Variants in TANC1 observed in about 807,000 individuals in gnomAD.
TANC1 encodes tetratricopeptide repeat, ankyrin repeat and coiled-coil containing 1.
Under a neutral mutation model 149.7 loss-of-function variants are expected in TANC1, and 77 were observed. The ratio of observed to expected loss-of-function variants is 0.51; its 90% CI spans 0.43 to 0.62. The LOEUF (loss-of-function observed/expected upper bound fraction) is 0.62, where lower values mean the gene tolerates loss of function less well. Among genes scored for constraint, TANC1 ranks in the 20% least tolerant of loss-of-function variants. The probability of loss-of-function intolerance (pLI) is 0.00; values close to 1 mark genes in which losing one functional copy is unlikely to be tolerated. For synonymous variants in TANC1, 854 were observed against 925.0 expected (o/e 0.92, Z 1.39); for missense variants, 1,985 against 2,321.8 (o/e 0.85, Z 2.98).
intron 2 of TANC1, among the ~76,000 whole-genome samples, chr2:159,028,415 C>T (rs765063353): frequency 2.6e-5 from 4 of 152,166 alleles, no homozygotes; most frequent in Non-Finnish European, 4.4e-5. Context: ...GCCATCATGT[C>T]GGGCCTATTC....
intron 4 of TANC1, 147 bp from the exon 5 acceptor site, chr2:159,136,047 T>TGTGTGCGCGTGC (rs1457762905): frequency 9.6e-6 from 2 of 209,118 alleles, no homozygotes; most frequent in Non-Finnish European, 9.2e-6. Flanking sequence ...TGTGTGTGTG[T>TGTGTGCGCGTGC]GTGCGCGCGC....
chr2:158,983,468 CA>C (rs35472970), intron 1 of TANC1, among the ~76,000 whole-genome samples: 2,202 of 88,772 alleles, frequency 0.025, 26 homozygotes, highest in African/African-American at 0.079. Flanking sequence ...CTCCGTCTCC[CA>C]AAAAAAAAAA....
intron 3 of TANC1, among the ~76,000 whole-genome samples, chr2:159,093,577 T>C (rs1459643620): frequency 6.6e-6 from 1 of 152,242 alleles, no homozygotes. Flanking sequence ...TTGTGCTTCC[T>C]GTTCATACAT....
At chr2:159,170,974 T>A (rs929999928) in intron 10 of TANC1, among the ~76,000 whole-genome samples, 169 bp downstream of exon 10, 1 of 152,232 alleles carries the variant, frequency 6.6e-6, no homozygotes, top group East Asian at 1.9e-4. Flanking sequence ...TCCATCATGA[T>A]GTGTATTCAG....
intron 2 of TANC1, among the ~76,000 whole-genome samples, chr2:159,046,242 T>C (rs2041027734): frequency 6.6e-6 from 1 of 152,222 alleles, no homozygotes; most frequent in African/African-American, 2.4e-5. Flanking sequence ...TTAGACTGCG[T>C]CTCTCTTTTG....
intron 3 of TANC1, among the ~76,000 whole-genome samples, chr2:159,094,809 C>T (rs577989291): frequency 1.2e-4 from 18 of 152,136 alleles, no homozygotes; most frequent in African/African-American, 4.3e-4. Flanking sequence ...GGGGCCACTG[C>T]TGTCCACACA....
At chr2:159,038,888 C>A (rs1439493451) in intron 2 of TANC1, among the ~76,000 whole-genome samples, 2 of 152,160 alleles carry the variant, frequency 1.3e-5, no homozygotes, top group African/African-American at 4.8e-5. Context: ...AAGATTCCCT[C>A]TTTTTCTATT....
intron 11 of TANC1, among the ~76,000 whole-genome samples, chr2:159,173,429 A>T (rs1317820302): frequency 6.6e-6 from 1 of 152,030 alleles, no homozygotes; most frequent in African/African-American, 2.4e-5. Flanking sequence ...ACATATTGAA[A>T]CCTCGTCTCT....
chr2:159,094,788 G>T lies in TANC1; in HGVS notation c.62-2849G>T, dbSNP rs113109390. ...TTGTGTGTGTGTGGGGGGGGGGTGG[G>T]GGCCAGCCTGGGGGCCACTGCTGTC... is the stretch of plus-strand genomic sequence containing the variant. On this transcript the variant is annotated intron_variant, in intron 3 of 26. Coordinates refer to ENST00000263635, the MANE Select transcript of TANC1 (RefSeq NM_033394.3). Among the ~76,000 whole-genome samples the T allele has an allele frequency of 4.2e-5, 6 of 143,780 alleles. 1 individual carries two copies. The highest frequency in any genetic ancestry group is 3.5e-3 in the Middle Eastern group (1 of 286). The allele number at this position is 143,780 out of a possible 152,430, so 94.3% of individuals were successfully genotyped here. A position where few individuals can be genotyped will look rare whatever the true frequency, so the allele number is the denominator to read the frequency against.
intron 1 of TANC1, among the ~76,000 whole-genome samples, chr2:158,983,021 C>T (rs950948907): frequency 2.6e-5 from 4 of 152,160 alleles, no homozygotes; most frequent in Non-Finnish European, 5.9e-5. Flanking sequence ...GTACTTGTTA[C>T]AGAAGTCGAG....
chr2:159,117,648 G>T (rs1385497120), intron 4 of TANC1, among the ~76,000 whole-genome samples: 1 of 150,066 alleles, frequency 6.7e-6, no homozygotes, highest in Non-Finnish European at 1.5e-5. Context: ...CGCCTGCCTC[G>T]GCCTCCCAAA....
intron 3 of TANC1, among the ~76,000 whole-genome samples, chr2:159,070,077 T>C (rs1329357471): frequency 2.6e-5 from 4 of 152,116 alleles, no homozygotes; most frequent in Non-Finnish European, 5.9e-5. Flanking sequence ...CCACTGTGAC[T>C]GGCTATGCAG....
chr2:159,170,103 G>A (rs1474542221), intron 9 of TANC1, among the ~76,000 whole-genome samples: 1 of 152,160 alleles, frequency 6.6e-6, no homozygotes, highest in Non-Finnish European at 1.5e-5. Context: ...ATCACACCTG[G>A]ATGAGAGCAG....
At chr2:159,010,965 G>C (rs1010489000) in intron 2 of TANC1, among the ~76,000 whole-genome samples, 1 of 152,084 alleles carries the variant, frequency 6.6e-6, no homozygotes, top group Non-Finnish European at 1.5e-5. Context: ...TGAGTCCGTT[G>C]TGAAGAGCTG....
intron 4 of TANC1, among the ~76,000 whole-genome samples, chr2:159,111,256 G>A (rs570002378): frequency 2.2e-4 from 34 of 152,336 alleles, no homozygotes; most frequent in Non-Finnish European, 4.0e-4. Flanking sequence ...CTGATGGAGA[G>A]TATAAATGCT....
intron 4 of TANC1, among the ~76,000 whole-genome samples, chr2:159,123,561 C>T (rs943194333): frequency 1.2e-4 from 19 of 152,166 alleles, no homozygotes; most frequent in African/African-American, 4.3e-4. Context: ...AATCTCCTGC[C>T]CTGACAGAAA....
intron 19 of TANC1, among the ~76,000 whole-genome samples, chr2:159,213,062 A>G (rs2059105491): frequency 6.6e-6 from 1 of 152,214 alleles, no homozygotes; most frequent in Admixed American, 6.5e-5. Context: ...ATCTCTAGTG[A>G]TGTAGTCATC....
At chr2:159,084,858 C>T (rs572114319) in intron 3 of TANC1, among the ~76,000 whole-genome samples, 2 of 152,230 alleles carry the variant, frequency 1.3e-5, no homozygotes, top group African/African-American at 4.8e-5. Flanking sequence ...CAGTGTGGTA[C>T]TGTGGTTAAG....
intron 19 of TANC1, among the ~76,000 whole-genome samples, chr2:159,201,322 G>A (rs1006287539): frequency 3.9e-5 from 6 of 152,174 alleles, no homozygotes; most frequent in African/African-American, 1.4e-4. Context: ...GTGACATCCC[G>A]TGTTTTGGGA....
Sources: allele counts gnomAD v4.1 joint callset (sites outside exome capture counted in the v4.1 genomes callset), GRCh38; gene constraint gnomAD v4.1.1; transcripts MANE v1.5; gene names NCBI Gene and HGNC (gene_info 2026-07-23, HGNC 2026-07-21).